SHANK2: variants seen among roughly 807,000 people sequenced by gnomAD.
SHANK2 encodes the protein SH3 and multiple ankyrin repeat domains protein 2.
In SHANK2, 43 loss-of-function variants were observed where a neutral mutation model predicts 133.7. The ratio of observed to expected loss-of-function variants is 0.32; its 90% CI spans 0.25 to 0.41. The LOEUF (loss-of-function observed/expected upper bound fraction) is 0.41, where lower values mean the gene tolerates loss of function less well. Among genes scored for constraint, SHANK2 ranks in the 10% least tolerant of loss-of-function variants. SHANK2 has a pLI of 1.00. For synonymous variants in SHANK2, 1,017 were observed against 952.8 expected, an observed-to-expected ratio of 1.07 and a Z score of -1.24; for missense variants, 1,994 against 2,235.8, an observed-to-expected ratio of 0.89 and a Z score of 2.18.
At chr11:70,605,566 C>A (rs782381467) in intron 17 of SHANK2, among the ~76,000 whole-genome samples, 12 of 152,248 alleles carry the variant, frequency 7.9e-5, no homozygotes, top group Admixed American at 5.9e-4. Flanking sequence ...CTCCGGTGGC[C>A]TTATTTTTAG....
At chr11:70,786,551 T>C (rs782196320) in intron 14 of SHANK2, among the ~76,000 whole-genome samples, 1 of 152,214 alleles carries the variant, frequency 6.6e-6, no homozygotes, top group Non-Finnish European at 1.5e-5. Context: ...CGTGTCTATC[T>C]GCAGGGCATA....
In SHANK2 at chr11:71,142,255, C is replaced by T. The variant is rs148172008; in HGVS notation, c.207+4865G>A. ...GGCTCACGCCTATGTAATCCCAGCA[C>T]TTTGGGAGGCCGAGACGGGCAGATC... On this transcript the variant is annotated intron_variant, in intron 3 of 25. Transcript: ENST00000601538. Among the ~76,000 whole-genome samples the T allele has an allele frequency of 9.0e-3, 1,369 of 152,274 alleles. 22 individuals carry two copies. Among genetic ancestry groups the T allele is most frequent in the African/African-American group, 0.031 (1,301 of 41,544 alleles).
intron 11 of SHANK2, among the ~76,000 whole-genome samples, chr11:70,853,462 C>T (rs1190326499): frequency 6.6e-6 from 1 of 152,172 alleles, no homozygotes; most frequent in Non-Finnish European, 1.5e-5. Flanking sequence ...GACTGGTGCT[C>T]AGTTCTGGGT....
intron 17 of SHANK2, among the ~76,000 whole-genome samples, chr11:70,595,776 T>A (rs965693166): frequency 6.6e-6 from 1 of 152,188 alleles, no homozygotes; most frequent in Non-Finnish European, 1.5e-5. Flanking sequence ...AGGAAATGAC[T>A]CAGAGAGACC....
chr11:70,601,874 A>G (rs1554991147), intron 17 of SHANK2, among the ~76,000 whole-genome samples: 1 of 152,210 alleles, frequency 6.6e-6, no homozygotes, highest in East Asian at 1.9e-4. Context: ...CCAGGTCTGA[A>G]CCAGAACAGG....
intron 14 of SHANK2, among the ~76,000 whole-genome samples, chr11:70,759,843 G>A (rs1262089797): frequency 7.9e-5 from 12 of 152,208 alleles, no homozygotes; most frequent in African/African-American, 2.2e-4. Context: ...CATGCCAGCA[G>A]CCATAACTAT....
intron 11 of SHANK2, among the ~76,000 whole-genome samples, chr11:70,836,398 A>G (rs556534168): frequency 6.6e-6 from 1 of 152,306 alleles, no homozygotes; most frequent in East Asian, 1.9e-4. Flanking sequence ...GAGAAAGGAT[A>G]ATAACAGCAG....
chr11:70,797,199 T>C (rs1947932801), intron 14 of SHANK2, among the ~76,000 whole-genome samples: 1 of 152,220 alleles, frequency 6.6e-6, no homozygotes, highest in Non-Finnish European at 1.5e-5. Flanking sequence ...ACTGGCTGTG[T>C]AGCACACAAC....
chr11:70,621,929 C>G (rs2060834533), intron 17 of SHANK2, among the ~76,000 whole-genome samples: 1 of 152,076 alleles, frequency 6.6e-6, no homozygotes, highest in Non-Finnish European at 1.5e-5. Flanking sequence ...GCTCTTCTGT[C>G]CACACAGGAG....
At chr11:71,086,132 ATATAATATAT>A (rs1951406135) in intron 8 of SHANK2, among the ~76,000 whole-genome samples, 2 of 7,746 alleles carry the variant, frequency 2.6e-4, no homozygotes, top group Non-Finnish European at 1.2e-3. Context: ...ATATTAAATT[ATATAATATAT>A]TATGTTATAT....
At chr11:70,653,567 C>CAAAA (rs1157982312) in intron 17 of SHANK2, among the ~76,000 whole-genome samples, 293 of 58,624 alleles carry the variant, frequency 5.0e-3, no homozygotes, top group Non-Finnish European at 6.6e-3. Context: ...CTCAGCCTTC[C>CAAAA]AAAAAAAAAA....
chr11:70,891,713 C>G (rs1949848419), intron 11 of SHANK2, among the ~76,000 whole-genome samples: 1 of 152,138 alleles, frequency 6.6e-6, no homozygotes, highest in Admixed American at 6.5e-5. Context: ...CTCCCTCCCT[C>G]TCTCGGTCTC....
rs148800254 is a variant in SHANK2 at position 70,647,366 on chromosome 11, T to C, written c.2061+12462A>G. On this transcript the variant is annotated intron_variant, in intron 17 of 25. Transcript: ENST00000601538. ...AATCTGCATCACAGAAGATATCCAGTTGGGCAAGACCCCGCCTCCCTGACA... is the reference window on the plus strand; with the variant it reads ...AATCTGCATCACAGAAGATATCCAGCTGGGCAAGACCCCGCCTCCCTGACA... The C allele has an allele frequency of 3.3e-5, 5 of 152,374 alleles. No homozygotes were observed. In the East Asian group the frequency reaches 9.6e-4, roughly 29 times the overall value. 9.4% of individuals were successfully genotyped at this position (152,374 alleles called of 1,614,324 possible). A position where few individuals can be genotyped will look rare whatever the true frequency, so the allele number is the denominator to read the frequency against.
At chr11:71,124,218 GTGACAA>G (rs369813957) in intron 3 of SHANK2, among the ~76,000 whole-genome samples, 1 of 36,910 alleles carries the variant, frequency 2.7e-5, no homozygotes, top group Non-Finnish European at 5.9e-5. Flanking sequence ...GATGATGATG[GTGACAA>G]TGATGGTATG....
chr11:70,876,780 G>A (rs1270651251), intron 11 of SHANK2, among the ~76,000 whole-genome samples: 1 of 152,136 alleles, frequency 6.6e-6, no homozygotes, highest in African/African-American at 2.4e-5. Context: ...GCGCAGAGTC[G>A]AGTCTCGTGA....
intron 17 of SHANK2, among the ~76,000 whole-genome samples, chr11:70,556,590 C>CTTTTT (rs56161301): frequency 7.1e-6 from 1 of 140,160 alleles, no homozygotes; most frequent in Non-Finnish European, 1.5e-5. Context: ...TAATTTTTTT[C>CTTTTT]TTTTTTTTTT....
chr11:70,473,525 A>T lies in SHANK2; in HGVS notation c.4980-86T>A. 1.5e-6 allele frequency: 2 copies of T among 1,351,544 alleles called. No individual in the cohort carries two copies. Among genetic ancestry groups the T allele is most frequent in the Non-Finnish European group, 2.1e-6 (2 of 964,292 alleles). 83.7% of individuals were successfully genotyped at this position (1,351,544 alleles called of 1,614,324 possible). Reference sequence around the variant, plus strand: ...TGCAGATCACCCAGGAAGGCGAGGGAGACGCCCAAACCATGCCAGAGTGTC... The same window carrying T: ...TGCAGATCACCCAGGAAGGCGAGGGTGACGCCCAAACCATGCCAGAGTGTC... On this transcript the variant is annotated intron_variant, in intron 25 of 25. Coordinates refer to ENST00000601538, the MANE Select transcript of SHANK2 (RefSeq NM_012309.5). The surrounding 1 kb of genome is among the most constrained non-coding windows in gnomAD (Gnocchi z 5.9).
At chr11:71,236,591 G>C (rs1182528351) in intron 1 of SHANK2, among the ~76,000 whole-genome samples, 1 of 152,240 alleles carries the variant, frequency 6.6e-6, no homozygotes, top group Non-Finnish European at 1.5e-5. Context: ...CCTGGTTCCA[G>C]TAGGCAACTT....
At chr11:70,704,032 A>T (rs1201915588) in intron 14 of SHANK2, among the ~76,000 whole-genome samples, 1 of 151,942 alleles carries the variant, frequency 6.6e-6, no homozygotes, top group Non-Finnish European at 1.5e-5. Flanking sequence ...ATGCCGCCCT[A>T]CTCCTGCTGC....
Sources: allele counts gnomAD v4.1 joint callset (sites outside exome capture counted in the v4.1 genomes callset), GRCh38; gene constraint gnomAD v4.1.1; non-coding constraint Gnocchi (gnomAD v3.1); transcripts MANE v1.5; gene names NCBI Gene and HGNC (gene_info 2026-07-23, HGNC 2026-07-21).